Variants in HMMR observed in about 807,000 individuals in gnomAD.
HMMR encodes intracellular hyaluronic acid-binding protein.
HMMR carries 108 observed loss-of-function variants against 101.0 expected under a neutral mutation model. The observed-to-expected ratio is 1.07, with a 90% CI of 0.92 to 1.25. The LOEUF is 1.25. Among genes scored for constraint, HMMR ranks in the 50% most tolerant of loss-of-function variants. The probability of loss-of-function intolerance (pLI) is 0.00; values close to 1 mark genes in which losing one functional copy is unlikely to be tolerated. For missense variants in HMMR, 813 were observed against 788.7 expected (o/e 1.03, Z -0.37); for synonymous variants, 296 against 276.4 (o/e 1.07, Z -0.70).
chr5:163,487,003 G>A (rs1307946339), intron 16 of HMMR, among the ~76,000 whole-genome samples: 1 of 152,180 alleles, frequency 6.6e-6, no homozygotes, highest in African/African-American at 2.4e-5. Context: ...CCAGAAGACA[G>A]AGGTTGCAGT....
chr5:163,463,478 A>G (rs1392365542), intron 1 of HMMR, among the ~76,000 whole-genome samples: 1 of 152,204 alleles, frequency 6.6e-6, no homozygotes, highest in Non-Finnish European at 1.5e-5. Flanking sequence ...GACAATTTTA[A>G]TTACTTTATT....
chr5:163,480,443 A>T (rs908469526), intron 12 of HMMR, among the ~76,000 whole-genome samples: 6 of 152,164 alleles, frequency 3.9e-5, no homozygotes, highest in African/African-American at 1.4e-4. Context: ...TTATTGTATG[A>T]ATATACCACA....
At position 163,491,296 on chromosome 5, in the gene HMMR, A is replaced by G; in HGVS notation, c.*132A>G. 1 of 537,758 alleles carries G rather than the reference A, an allele frequency of 1.9e-6. No homozygotes were observed. Among genetic ancestry groups the G allele is most frequent in the East Asian group, 3.2e-5 (1 of 31,128 alleles). The allele number at this position is 537,758 out of a possible 1,614,324, so 33.3% of individuals were successfully genotyped here. On this transcript the variant is annotated 3_prime_UTR_variant, in exon 18 of 18. Coordinates refer to ENST00000393915, the MANE Select transcript of HMMR (RefSeq NM_001142556.2). ...TGCCAATCCTTAAATATGTGAAAGGAACATTTTTTACCAAAGTGTCTTTTG... is the reference window on the plus strand; with the variant it reads ...TGCCAATCCTTAAATATGTGAAAGGGACATTTTTTACCAAAGTGTCTTTTG...
rs117595134 is a variant in HMMR, at chr5:163,488,085, G to A, written c.1963-2305G>A. Among the ~76,000 whole-genome samples the A allele has an allele frequency of 2.6e-4, 39 of 152,124 alleles. No homozygotes were observed. In the East Asian group the frequency reaches 7.5e-3, roughly 29 times the overall value. The stretch of plus-strand genomic sequence containing the variant: ...TGCCCAGGCTGGTCTGGAGCTCCTG[G>A]GCTCAAGGAATCTACCAGCTTTGGC... On this transcript the variant is annotated intron_variant, in intron 16 of 17. Transcript: ENST00000393915.
At chr5:163,476,108 T>C (rs897762699) in intron 11 of HMMR, among the ~76,000 whole-genome samples, 8 of 151,712 alleles carry the variant, frequency 5.3e-5, no homozygotes, top group African/African-American at 1.9e-4. Flanking sequence ...AGCTCAGGAG[T>C]TTGAGACCAG....
chr5:163,471,065 A>G (rs1358544643), intron 5 of HMMR, 120 bp from the exon 6 acceptor site: 6 of 648,354 alleles, frequency 9.3e-6, no homozygotes, highest in East Asian at 5.4e-5. Context: ...TCTCTCTACC[A>G]AAGTATATTA....
Position 163,463,877 on chromosome 5 carries a change from C to T in HMMR, c.68C>T (p.Ala23Val). The T allele has an allele frequency of 6.8e-7, 1 of 1,472,650 alleles. No individual in the cohort carries two copies. The highest frequency in any genetic ancestry group is 9.1e-7 in the Non-Finnish European group (1 of 1,104,644). 91.2% of individuals were successfully genotyped at this position (1,472,650 alleles called of 1,614,324 possible). A position where few individuals can be genotyped will look rare whatever the true frequency, so the allele number is the denominator to read the frequency against. ...DPSGCAPSPG[A>V]YDVKTLEVLK... ...CTAGGTTGTGCACCATCTCCAGGTG[C>T]TTATGATGTTAAAACTTTAGAAGTA... Residue 23 changes from alanine (A) to valine (V), a missense_variant, in exon 2 of 18, where the codon GCT (alanine) becomes GTT (valine). Coordinates refer to ENST00000393915, the MANE Select transcript of HMMR (RefSeq NM_001142556.2).
Position 163,476,899 on chromosome 5 carries a change from C to T in HMMR, c.1268+1227C>T, listed in dbSNP as rs554845280. ...ATAGTAAATTAGCCTGGCATCGTGG[C>T]GCACGCCTGTAATCCCAGCTATTCA... On this transcript the variant is annotated intron_variant, in intron 11 of 17. Coordinates refer to ENST00000393915, the MANE Select transcript of HMMR (RefSeq NM_001142556.2). Among the ~76,000 whole-genome samples the T allele has an allele frequency of 1.7e-3, 254 of 152,188 alleles. 1 individual carries two copies. Among genetic ancestry groups the T allele is most frequent in the African/African-American group, 5.5e-3 (227 of 41,520 alleles).
At chr5:163,471,639 ATGT>A (rs1758894090) in intron 7 of HMMR, among the ~76,000 whole-genome samples, 176 bp downstream of exon 7, 1 of 152,092 alleles carries the variant, frequency 6.6e-6, no homozygotes, top group South Asian at 2.1e-4. Flanking sequence ...ATTCTCAAAC[ATGT>A]TGTGCTACAA....
At chr5:163,475,983 A>G (rs1463155701) in intron 11 of HMMR, among the ~76,000 whole-genome samples, 1 of 152,076 alleles carries the variant, frequency 6.6e-6, no homozygotes, top group Non-Finnish European at 1.5e-5. Context: ...TACTCTGCTA[A>G]TTTCTGAAAT....
chr5:163,475,476 C>G lies in HMMR; in HGVS notation c.1072C>G (p.His358Asp). 6.3e-7 allele frequency: 1 copy of G among 1,593,594 alleles called. No individual in the cohort carries two copies. Among genetic ancestry groups the G allele is most frequent in the Non-Finnish European group, 8.6e-7 (1 of 1,168,796 alleles). The change falls in exon 11 of 18, where the codon CAT becomes GAT. Residue 358 changes from histidine to aspartate, a missense_variant. By Grantham distance (81) the His-to-Asp change is moderately conservative. Coordinates refer to ENST00000393915, the MANE Select transcript of HMMR (RefSeq NM_001142556.2). Reference protein sequence around the residue: ...QQEKELSSSLHQKLCSFQEEM... With the variant: ...QQEKELSSSLDQKLCSFQEEM... ...GATATAGGAATTATCTTCGAGTCTT[C>G]ATCAGAAGCTCTGTTCTTTTCAAGA...
intron 15 of HMMR, among the ~76,000 whole-genome samples, chr5:163,483,713 T>C (rs1216949315): frequency 3.9e-5 from 6 of 152,158 alleles, no homozygotes; most frequent in Admixed American, 3.3e-4. Context: ...GTATGACTTA[T>C]TGCAAATACT....
chr5:163,481,935 G>A (rs1052470533), intron 12 of HMMR, among the ~76,000 whole-genome samples: 9 of 151,882 alleles, frequency 5.9e-5, no homozygotes, highest in Non-Finnish European at 1.3e-4. Flanking sequence ...TTTATTTTGA[G>A]TCGGAGTTTC....
chr5:163,483,006 C>A lies in HMMR; in HGVS notation c.1533-14C>A. On this transcript the variant is annotated splice_polypyrimidine_tract_variant and intron_variant, in intron 13 of 17. Transcript: ENST00000393915. ...TATAAAATGTTTAGTGACCTCTTCT[C>A]TCTCAAACCAAAGGATGCTTCTAGA... 6.4e-7 allele frequency: 1 copy of A among 1,573,154 alleles called. No individual in the cohort carries two copies. Among genetic ancestry groups the A allele is most frequent in the South Asian group, 1.2e-5 (1 of 83,506 alleles).
rs550643129 is a variant in HMMR at position 163,474,149 on chromosome 5, C to T, written c.997C>T (p.Arg333Cys). The change falls in exon 10 of 18, where the codon CGT (arginine) becomes TGT (cysteine). Residue 333 changes from arginine to cysteine, a missense_variant. Coordinates refer to ENST00000393915, the MANE Select transcript of HMMR (RefSeq NM_001142556.2). ...GAAGTTTATTCTTGAACAACAGGAA[C>T]GTGAAAAGCTTCAACAAAAAGAATT... ...KQKFILEQQE[R>C]EKLQQKELQI... 52 of 1,610,366 alleles carry T rather than the reference C, an allele frequency of 3.2e-5. No individual in the cohort carries two copies. The Admixed American group carries it at 3.7e-4, about 11-fold the overall frequency.
intron 4 of HMMR, among the ~76,000 whole-genome samples, chr5:163,469,214 A>G (rs958551276): frequency 4.6e-5 from 7 of 151,990 alleles, no homozygotes; most frequent in African/African-American, 1.5e-4. Flanking sequence ...AATACAAAAA[A>G]TTAGCCGGGT....
intron 12 of HMMR, among the ~76,000 whole-genome samples, chr5:163,482,097 A>G (rs1158305601): frequency 6.6e-6 from 1 of 152,032 alleles, no homozygotes; most frequent in African/African-American, 2.4e-5. Flanking sequence ...TTGTGTTTTT[A>G]GTAGTGATGG....
intron 11 of HMMR, among the ~76,000 whole-genome samples, chr5:163,476,370 C>T (rs1759069686): frequency 6.6e-6 from 1 of 152,088 alleles, no homozygotes; most frequent in Non-Finnish European, 1.5e-5. Context: ...AAGAATCCCT[C>T]CCATTAATAA....
chr5:163,484,283 G>C lies in HMMR; in HGVS notation c.1962+38G>C, dbSNP rs1418276028. 4.6e-6 allele frequency: 5 copies of C among 1,093,582 alleles called. No homozygotes were observed. In the East Asian group the frequency reaches 1.2e-4, roughly 27 times the overall value. The allele number at this position is 1,093,582 out of a possible 1,614,324, so 67.7% of individuals were successfully genotyped here. A position where few individuals can be genotyped will look rare whatever the true frequency, so the allele number is the denominator to read the frequency against. On this transcript the variant is annotated intron_variant, in intron 16 of 17. Coordinates refer to ENST00000393915, the MANE Select transcript of HMMR (RefSeq NM_001142556.2). ...ACTTTTCATTTTATTAAAGATATTG[G>C]AGTGGGGGTTATTCTAACTATAATA...
Sources: allele counts gnomAD v4.1 joint callset (sites outside exome capture counted in the v4.1 genomes callset), GRCh38; gene constraint gnomAD v4.1.1; transcripts MANE v1.5; gene names NCBI Gene and HGNC (gene_info 2026-07-23, HGNC 2026-07-21).